Variants in CCSER1 observed in about 807,000 individuals in gnomAD.
CCSER1 encodes the protein coiled-coil serine rich protein 1, also known as serine-rich coiled-coil domain-containing protein 1.
A neutral mutation model predicts 82.0 loss-of-function variants in CCSER1; 41 were observed. The ratio of observed to expected loss-of-function variants is 0.50; its 90% CI spans 0.39 to 0.65. CCSER1 has a LOEUF of 0.65. Among genes scored for constraint, CCSER1 ranks in the 30% least tolerant of loss-of-function variants. CCSER1 has a pLI of 0.00. For missense variants in CCSER1, 1,119 were observed against 1,064.2 expected (o/e 1.05, Z -0.72); for synonymous variants, 414 against 383.9 (o/e 1.08, Z -0.92).
intron 10 of CCSER1, chr4:91,319,795 A>C (rs1418419195): frequency 4.9e-5 from 22 of 446,696 alleles, no homozygotes; most frequent in Non-Finnish European, 9.4e-5. Context: ...AGTCCCTCTC[A>C]CAAGGCACAG....
At chr4:90,177,697 G>C (rs1732959526) in intron 1 of CCSER1, among the ~76,000 whole-genome samples, 1 of 152,106 alleles carries the variant, frequency 6.6e-6, no homozygotes, top group Admixed American at 6.6e-5. Context: ...AATCAAGGGA[G>C]TTATTACTGC....
intron 5 of CCSER1, among the ~76,000 whole-genome samples, chr4:90,557,019 A>G (rs116061230): frequency 0.012 from 1,776 of 152,048 alleles, 35 homozygotes; most frequent in African/African-American, 0.04. Flanking sequence ...ATTTATATCT[A>G]CTTATTGAAA....
intron 1 of CCSER1, among the ~76,000 whole-genome samples, chr4:90,249,720 A>G (rs1722053810): frequency 2.0e-5 from 3 of 152,036 alleles, no homozygotes; most frequent in African/African-American, 7.2e-5. Flanking sequence ...GATCTACCAC[A>G]TGTATTTTTT....
chr4:90,895,170 G>A (rs1723526766), intron 8 of CCSER1, among the ~76,000 whole-genome samples: 1 of 151,630 alleles, frequency 6.6e-6, no homozygotes, highest in Admixed American at 6.6e-5. Flanking sequence ...AAATATCCTG[G>A]CTGTATTCTT....
intron 5 of CCSER1, among the ~76,000 whole-genome samples, chr4:90,529,800 A>G (rs1010487331): frequency 1.7e-4 from 26 of 152,068 alleles, no homozygotes; most frequent in African/African-American, 5.8e-4. Flanking sequence ...GCTAGGCAAA[A>G]TATTACAAAC....
At chr4:90,204,881 T>G (rs1738490024) in intron 1 of CCSER1, among the ~76,000 whole-genome samples, 1 of 152,218 alleles carries the variant, frequency 6.6e-6, no homozygotes, top group Non-Finnish European at 1.5e-5. Context: ...AGCAGAAGTT[T>G]GTAGTTCTTC....
intron 10 of CCSER1, among the ~76,000 whole-genome samples, chr4:91,185,430 G>A (rs891457854): frequency 6.6e-6 from 1 of 152,186 alleles, no homozygotes; most frequent in African/African-American, 2.4e-5. Flanking sequence ...TGTCCCTGCT[G>A]GCAAGGGTCC....
intron 6 of CCSER1, among the ~76,000 whole-genome samples, chr4:90,697,169 G>GATAC (rs1300803740): frequency 6.6e-5 from 10 of 152,146 alleles, no homozygotes; most frequent in African/African-American, 2.4e-4. Context: ...TAAGTGCTTG[G>GATAC]ATACATTTTG....
chr4:90,995,179 C>G (rs1257934640), intron 9 of CCSER1, among the ~76,000 whole-genome samples: 1 of 152,112 alleles, frequency 6.6e-6, no homozygotes, highest in African/African-American at 2.4e-5. Context: ...TCTTCAAGGG[C>G]AGAGAGTGAG....
intron 9 of CCSER1, among the ~76,000 whole-genome samples, chr4:91,082,734 T>A (rs1331493115): frequency 6.6e-6 from 1 of 151,680 alleles, no homozygotes; most frequent in African/African-American, 2.4e-5. Flanking sequence ...AACAACCCCA[T>A]CAAAAAGTGG....
chr4:90,376,062 C>A (rs984777008), intron 3 of CCSER1, among the ~76,000 whole-genome samples: 1 of 152,134 alleles, frequency 6.6e-6, no homozygotes, highest in African/African-American at 2.4e-5. Context: ...ATTAACTTGC[C>A]TCTCTTCTGA....
intron 5 of CCSER1, among the ~76,000 whole-genome samples, chr4:90,521,117 T>A (rs1261150354): frequency 6.6e-6 from 1 of 152,212 alleles, no homozygotes; most frequent in Admixed American, 6.5e-5. Flanking sequence ...CTCAATTTGC[T>A]TTCTGATTCT....
At chr4:91,107,449 G>GT (rs1260951638) in intron 10 of CCSER1, among the ~76,000 whole-genome samples, 1 of 152,004 alleles carries the variant, frequency 6.6e-6, no homozygotes, top group East Asian at 1.9e-4. Context: ...TAGAGATGGG[G>GT]TTTCACCATG....
chr4:91,569,714 C>G (rs1341311273), intron 10 of CCSER1, among the ~76,000 whole-genome samples: 1 of 152,048 alleles, frequency 6.6e-6, no homozygotes, highest in East Asian at 1.9e-4. Context: ...CAGGTCCCCC[C>G]CAAAAAACAT....
intron 10 of CCSER1, among the ~76,000 whole-genome samples, chr4:91,475,730 T>C (rs1490313649): frequency 6.6e-6 from 1 of 151,852 alleles, no homozygotes; most frequent in East Asian, 1.9e-4. Context: ...CCTACTGTGC[T>C]ACCAGACACT....
chr4:90,921,941 T>A (rs1728445577), intron 8 of CCSER1, among the ~76,000 whole-genome samples: 1 of 152,066 alleles, frequency 6.6e-6, no homozygotes, highest in Non-Finnish European at 1.5e-5. Flanking sequence ...CCAATCAATA[T>A]GTCTAGATAA....
intron 7 of CCSER1, among the ~76,000 whole-genome samples, chr4:90,770,301 T>G (rs1374103403): frequency 6.6e-6 from 1 of 152,202 alleles, no homozygotes; most frequent in East Asian, 1.9e-4. Context: ...ACTTGTTCCA[T>G]TTAATGTTCT....
chr4:91,561,247 T>C (rs756097210), intron 10 of CCSER1, among the ~76,000 whole-genome samples: 1 of 151,528 alleles, frequency 6.6e-6, no homozygotes, highest in African/African-American at 2.4e-5. Context: ...ACCATGAGGC[T>C]ACATAATGTG....
At chr4:90,305,674 G>C (rs998951531) in intron 1 of CCSER1, among the ~76,000 whole-genome samples, 4 of 152,132 alleles carry the variant, frequency 2.6e-5, no homozygotes, top group African/African-American at 9.7e-5. Context: ...TTCACATATA[G>C]TTTGATTTAA....
Sources: allele counts gnomAD v4.1 joint callset (sites outside exome capture counted in the v4.1 genomes callset), GRCh38; gene constraint gnomAD v4.1.1; transcripts MANE v1.5; gene names NCBI Gene and HGNC (gene_info 2026-07-23, HGNC 2026-07-21).